KIAA1958: variants seen among roughly 807,000 people sequenced by gnomAD.
KIAA1958 encodes uncharacterized protein KIAA1958.
In KIAA1958, 14 loss-of-function variants were observed where a neutral mutation model predicts 47.2. The observed-to-expected ratio is 0.30, with a 90% confidence interval of 0.20 to 0.46. KIAA1958 has a LOEUF of 0.46. KIAA1958 is among the 20% of genes least tolerant of loss of function. KIAA1958 has a pLI of 1.00. For synonymous variants in KIAA1958, 354 were observed against 353.3 expected (o/e 1.00, Z -0.02); for missense variants, 803 against 909.2 (o/e 0.88, Z 1.50).
intron 1 of KIAA1958, among the ~76,000 whole-genome samples, chr9:112,527,121 T>G (rs7857747): frequency 0.95 from 145,439 of 152,294 alleles, 69,523 homozygotes; most frequent in African/African-American, 0.99. Context: ...GAGATAGGGT[T>G]ACTCTGTCAC....
chr9:112,638,763 A>G (rs1280374925), intron 2 of KIAA1958, among the ~76,000 whole-genome samples: 1 of 151,718 alleles, frequency 6.6e-6, no homozygotes, highest in Non-Finnish European at 1.5e-5. Flanking sequence ...CCATGTGTCT[A>G]TTTTGCTATT....
chr9:112,492,803 G>A (rs767272319), intron 1 of KIAA1958, among the ~76,000 whole-genome samples: 9 of 151,874 alleles, frequency 5.9e-5, no homozygotes, highest in Non-Finnish European at 8.8e-5. Flanking sequence ...AGGATGGAGC[G>A]CACTAACGTG....
rs538902700 is a variant in KIAA1958, at chr9:112,659,786, G to A, written c.1868G>A (p.Arg623Gln). ...GGGAAGATCTACCATGAGCATTCCCGGGGACACAAACAGTGCCCTTACTGC... is the reference window on the plus strand; with the variant it reads ...GGGAAGATCTACCATGAGCATTCCCAGGGACACAAACAGTGCCCTTACTGC... The part of the protein sequence containing the change: ...CHGKIYHEHS[R>Q]GHKQCPYCLL... Residue 623 changes from arginine (R) to glutamine (Q), a missense_variant, in exon 4 of 4, where the codon CGG (arginine) becomes CAG (glutamine). Physicochemically the swap from Arg to Gln is conservative, Grantham distance 43 (BLOSUM62 1). Coordinates refer to ENST00000337530, the MANE Select transcript of KIAA1958 (RefSeq NM_133465.4). 17 of 1,614,094 alleles carry A rather than the reference G, an allele frequency of 1.1e-5. No individual in the cohort carries two copies. Among genetic ancestry groups the A allele is most frequent in the East Asian group, 4.5e-5 (2 of 44,876 alleles).
chr9:112,646,087 G>GTT (rs10578182), intron 3 of KIAA1958, among the ~76,000 whole-genome samples: 25 of 149,118 alleles, frequency 1.7e-4, no homozygotes, highest in African/African-American at 5.4e-4. Context: ...TATTTAAGTG[G>GTT]TTTTTTTTTT....
At chr9:112,555,509 A>T (rs1835224939) in intron 1 of KIAA1958, among the ~76,000 whole-genome samples, 1 of 152,178 alleles carries the variant, frequency 6.6e-6, no homozygotes. Context: ...GTAATTTATA[A>T]AGAACAGAAA....
rs1222291797 is a variant in KIAA1958, at chr9:112,573,329, G to A, written c.-24-728G>A. 3.3e-5 allele frequency among the ~76,000 whole-genome samples: 5 copies of A among 152,212 alleles called. No homozygotes were observed. In the East Asian group the frequency reaches 9.6e-4, roughly 29 times the overall value. ...ATATTTCAGGAATTGCAGACAGCCAGGAGACAGGAAGCCTGGTCCTAAGAG... is the reference window on the plus strand; with the variant it reads ...ATATTTCAGGAATTGCAGACAGCCAAGAGACAGGAAGCCTGGTCCTAAGAG... On this transcript the variant is annotated intron_variant, in intron 1 of 3. Coordinates refer to ENST00000337530, the MANE Select transcript of KIAA1958 (RefSeq NM_133465.4).
chr9:112,592,928 C>T (rs1588032127), intron 2 of KIAA1958, among the ~76,000 whole-genome samples: 1 of 152,120 alleles, frequency 6.6e-6, no homozygotes, highest in East Asian at 1.9e-4. Context: ...TGTGCTAAAA[C>T]TGTCAAAACT....
At chr9:112,546,225 T>C (rs1301178755) in intron 1 of KIAA1958, among the ~76,000 whole-genome samples, 1 of 152,136 alleles carries the variant, frequency 6.6e-6, no homozygotes, top group East Asian at 1.9e-4. Context: ...ATGCTAATTA[T>C]AATACATTAG....
chr9:112,562,818 T>C (rs1185921546), intron 1 of KIAA1958, among the ~76,000 whole-genome samples: 1 of 151,760 alleles, frequency 6.6e-6, no homozygotes, highest in African/African-American at 2.4e-5. Context: ...GTAGAAGTTA[T>C]GTCAGGATTT....
chr9:112,641,048 G>T (rs1485568801), intron 2 of KIAA1958, among the ~76,000 whole-genome samples: 1 of 151,218 alleles, frequency 6.6e-6, no homozygotes, highest in African/African-American at 2.4e-5. Flanking sequence ...TTTAACAATT[G>T]TATTCAGCTT....
At chr9:112,586,804 GTGTTGACCTTTCTAGC>G (rs1835834707) in intron 2 of KIAA1958, among the ~76,000 whole-genome samples, 1 of 152,202 alleles carries the variant, frequency 6.6e-6, no homozygotes, top group African/African-American at 2.4e-5. Context: ...AACTGAAGAG[GTGTTGACCTTTCTAGC>G]TTGGTATCCA....
chr9:112,492,492 C>T (rs543512804), intron 1 of KIAA1958, among the ~76,000 whole-genome samples: 1 of 152,284 alleles, frequency 6.6e-6, no homozygotes, highest in South Asian at 2.1e-4. Context: ...TACAGTTCAG[C>T]CTATAACACA....
At chr9:112,594,088 C>T (rs1163709529) in intron 2 of KIAA1958, among the ~76,000 whole-genome samples, 1 of 152,120 alleles carries the variant, frequency 6.6e-6, no homozygotes, top group Non-Finnish European at 1.5e-5. Flanking sequence ...TGGTCTCAAA[C>T]TGCTGGCTTC....
At chr9:112,532,446 G>A (rs985615302) in intron 1 of KIAA1958, among the ~76,000 whole-genome samples, 1 of 152,100 alleles carries the variant, frequency 6.6e-6, no homozygotes, top group Non-Finnish European at 1.5e-5. Context: ...TTATCCCTAG[G>A]GTAGTGGCCA....
chr9:112,659,999 G>A lies in KIAA1958; in HGVS notation c.2081G>A (p.Cys694Tyr), dbSNP rs775979828. ...GCCAAGAAGGTCAAGCTGGAAAACT[G>A]TGAGAACTTCACCTTTGTCTCGTTC... ...NLAKKVKLEN[C>Y]ENFTFVSFTQ... The change falls in exon 4 of 4, where the codon TGT (cysteine) becomes TAT (tyrosine). Residue 694 changes from cysteine to tyrosine, a missense_variant. This residue lies in a region of KIAA1958 where 761 missense variants were observed against 829.3 expected (regional missense o/e 0.92). Transcript: ENST00000337530. 1.6e-5 allele frequency: 26 copies of A among 1,614,102 alleles called. No homozygotes were observed. The East Asian group carries it at 5.8e-4, about 36-fold the overall frequency.
At chr9:112,627,111 G>A (rs1002698299) in intron 2 of KIAA1958, among the ~76,000 whole-genome samples, 1 of 152,154 alleles carries the variant, frequency 6.6e-6, no homozygotes, top group South Asian at 2.1e-4. Flanking sequence ...AGGAAATATT[G>A]TAGTTGTCAA....
chr9:112,557,998 G>A (rs1038219148), intron 1 of KIAA1958, among the ~76,000 whole-genome samples: 3 of 152,180 alleles, frequency 2.0e-5, no homozygotes, highest in African/African-American at 7.2e-5. Context: ...AGGCCGAGGC[G>A]GGTGGATCAC....
chr9:112,604,997 AT>A (rs888777187), intron 2 of KIAA1958, among the ~76,000 whole-genome samples: 65 of 146,832 alleles, frequency 4.4e-4, no homozygotes, highest in African/African-American at 1.4e-3. Context: ...TGTATAACAT[AT>A]TTTTATATGT....
intron 1 of KIAA1958, among the ~76,000 whole-genome samples, chr9:112,550,593 G>C (rs1835124251): frequency 6.6e-6 from 1 of 152,194 alleles, no homozygotes; most frequent in Non-Finnish European, 1.5e-5. Context: ...ATTAAAATCA[G>C]TGCAGGGAAA....
Sources: allele counts gnomAD v4.1 joint callset (sites outside exome capture counted in the v4.1 genomes callset), GRCh38; gene constraint gnomAD v4.1.1; regional missense constraint gnomAD v4.1.1; transcripts MANE v1.5; gene names NCBI Gene and HGNC (gene_info 2026-07-23, HGNC 2026-07-21).